The following MYH6 variants were observed in gnomAD, a reference collection of about 807,000 sequenced individuals.
MYH6 encodes the protein myosin heavy chain 6.
In MYH6, 126 loss-of-function variants were observed where a neutral mutation model predicts 223.2. The observed-to-expected ratio is 0.56, with a 90% confidence interval of 0.49 to 0.65. The LOEUF is 0.65. Among genes scored for constraint, MYH6 ranks in the 30% least tolerant of loss-of-function variants. The pLI, the probability that MYH6 is intolerant of heterozygous loss-of-function variation, is 0.00. For synonymous variants in MYH6, 978 were observed against 1,010.2 expected, an observed-to-expected ratio of 0.97 and a Z score of 0.61; for missense variants, 2,040 against 2,536.4, an observed-to-expected ratio of 0.80 and a Z score of 4.20.
In MYH6 at chr14:23,398,483, C is replaced by G. The variant is rs543277082; in HGVS notation, c.1891+245G>C. On this transcript the variant is annotated intron_variant, in intron 15 of 38. Transcript: ENST00000405093. ...TACAGGGATGCATGTGCCACCCTCA[C>G]TGACCTCCAGTTACTCCCCATCTTG... Among the ~76,000 whole-genome samples the G allele has an allele frequency of 2.8e-4, 42 of 152,354 alleles. No individual in the cohort carries two copies. In the South Asian group the frequency reaches 8.5e-3, roughly 31 times the overall value.
In MYH6 at chr14:23,382,626, C is replaced by T. The variant is rs1890894705; in HGVS notation, c.5662-64G>A. 3 of 1,613,284 alleles carry T rather than the reference C, an allele frequency of 1.9e-6. No homozygotes were observed. In the Admixed American group the frequency reaches 5.0e-5, roughly 27 times the overall value. On this transcript the variant is annotated intron_variant, in intron 37 of 38. Coordinates refer to ENST00000405093, the MANE Select transcript of MYH6 (RefSeq NM_002471.4). Reference sequence around the variant, plus strand: ...ATGGGCTATGGGATTCTCAGCCTCTCAACCTGAGGTTCCAGCTCCCTGTCC... The same window carrying T: ...ATGGGCTATGGGATTCTCAGCCTCTTAACCTGAGGTTCCAGCTCCCTGTCC...
At chr14:23,391,175 T>G (rs1185739398) in intron 25 of MYH6, among the ~76,000 whole-genome samples, 1 of 152,226 alleles carries the variant, frequency 6.6e-6, no homozygotes, top group Non-Finnish European at 1.5e-5. Flanking sequence ...GTTGTCTGGC[T>G]AGCCAGGAGC....
chr14:23,388,930 C>T lies in MYH6; in HGVS notation c.4104G>A (p.Ser1368=), dbSNP rs374887637. The change falls in exon 29 of 39, where the codon TCG becomes TCA. Residue 1368 remains serine, a synonymous_variant. Transcript: ENST00000405093. ...ELQRVLSKAN[S]EVAQWRTKYE... The stretch of plus-strand genomic sequence containing the variant: ...ACTTGGTCCTCCACTGGGCCACCTC[C>T]GAGTTGGCCTTGGACAGGACGCGCT... 2.0e-5 allele frequency: 33 copies of T among 1,613,692 alleles called. No homozygotes were observed. The highest frequency in any genetic ancestry group is 1.1e-4 in the African/African-American group (8 of 74,938).
chr14:23,403,556 G>A, intron 9 of MYH6, 110 bp from the exon 10 acceptor site: 1 of 1,172,398 alleles, frequency 8.5e-7, no homozygotes, highest in South Asian at 1.2e-5. Context: ...TGATGAAGAG[G>A]GCCAGGCGAG....
chr14:23,386,167 G>A (rs779884968), intron 33 of MYH6, 36 bp from the exon 34 acceptor site: 2 of 1,613,974 alleles, frequency 1.2e-6, no homozygotes, highest in East Asian at 4.5e-5. Context: ...GCAGAAGCCA[G>A]CCTCGGTGCC....
chr14:23,387,992 C>T, intron 30 of MYH6, 69 bp from the exon 31 acceptor site: 3 of 1,606,152 alleles, frequency 1.9e-6, no homozygotes, highest in Non-Finnish European at 2.5e-6. Flanking sequence ...CTTCCCAGTG[C>T]CCCAGCCCCC....
At chr14:23,394,020 T>C in intron 21 of MYH6, 48 bp downstream of exon 21, 1 of 1,613,722 alleles carries the variant, frequency 6.2e-7, no homozygotes, top group Non-Finnish European at 8.5e-7. Context: ...TGGGCTATAA[T>C]CTAGGGGAGG....
intron 7 of MYH6, 151 bp from the exon 8 acceptor site, chr14:23,404,539 A>C: frequency 8.9e-7 from 1 of 1,125,648 alleles, no homozygotes; most frequent in South Asian, 1.3e-5. Flanking sequence ...TCCTACCCAG[A>C]CCTCAGGGTG....
intron 9 of MYH6, 77 bp from the exon 10 acceptor site, chr14:23,403,523 G>T: frequency 7.6e-7 from 1 of 1,309,574 alleles, no homozygotes; most frequent in South Asian, 1.2e-5. Flanking sequence ...CATGGGGGCA[G>T]AGGGCAGGGG....
In MYH6 at chr14:23,407,327, C is replaced by T. The variant is rs533039993; in HGVS notation, c.-13-91G>A. On this transcript the variant is annotated intron_variant, in intron 2 of 38. Coordinates refer to ENST00000405093, the MANE Select transcript of MYH6 (RefSeq NM_002471.4). The surrounding 1 kb of genome is among the most constrained non-coding windows in gnomAD (Gnocchi z 5.6). ...CCTCTGCAGCCCCCCTCCCTACCCC[C>T]GCTCCTCTCCTCCACCCTGGGAGAG... The T allele has an allele frequency of 4.9e-5, 71 of 1,457,016 alleles. No individual in the cohort carries two copies. Among genetic ancestry groups the T allele is most frequent in the South Asian group, 8.1e-5 (7 of 86,222 alleles). The allele number at this position is 1,457,016 out of a possible 1,614,324, so 90.3% of individuals were successfully genotyped here. A position where few individuals can be genotyped will look rare whatever the true frequency, so the allele number is the denominator to read the frequency against.
rs1891822049 is a variant in MYH6, at chr14:23,407,310, G to GC, written c.-13-75dup. 3 of 1,544,268 alleles carry GC rather than the reference G, an allele frequency of 1.9e-6. No homozygotes were observed. The highest frequency in any genetic ancestry group is 1.4e-5 in the African/African-American group (1 of 73,562). On this transcript the variant is annotated intron_variant, in intron 2 of 38. Coordinates refer to ENST00000405093, the MANE Select transcript of MYH6 (RefSeq NM_002471.4). This position sits in a 1 kb window ranked among gnomAD's most constrained non-coding sequence, Gnocchi z 5.6. ...CCAGCGAGTGGCTTTGTCCTCTGCA[G>GC]CCCCCCTCCCTACCCCCGCTCCTCT... is the stretch of plus-strand genomic sequence containing the variant.
At chr14:23,394,704 G>A (rs1021186756) in intron 20 of MYH6, among the ~76,000 whole-genome samples, 2 of 152,104 alleles carry the variant, frequency 1.3e-5, no homozygotes, top group African/African-American at 4.8e-5. Flanking sequence ...ACCTACCACT[G>A]AAACAGGAGC....
Position 23,407,295 on chromosome 14 carries a change from G to A in MYH6, c.-13-59C>T, listed in dbSNP as rs1313832649. 6.3e-7 allele frequency: 1 copy of A among 1,592,472 alleles called. No individual in the cohort carries two copies. The highest frequency in any genetic ancestry group is 1.3e-5 in the African/African-American group (1 of 74,498). On this transcript the variant is annotated intron_variant, in intron 2 of 38. Transcript: ENST00000405093. This position sits in a 1 kb window ranked among gnomAD's most constrained non-coding sequence, Gnocchi z 5.6. The stretch of plus-strand genomic sequence containing the variant: ...GAGGGAGCCCAGGCTCCAGCGAGTG[G>A]CTTTGTCCTCTGCAGCCCCCCTCCC...
chr14:23,382,291 G>T, intron 38 of MYH6, 137 bp downstream of exon 38: 4 of 1,369,850 alleles, frequency 2.9e-6, no homozygotes, highest in Non-Finnish European at 4.1e-6. Context: ...CAGGAGAGTG[G>T]ATTCTCAGGT....
chr14:23,392,657 A>C lies in MYH6; in HGVS notation c.3252-5T>G. On this transcript the variant is annotated splice_polypyrimidine_tract_variant and splice_region_variant and intron_variant, in intron 24 of 38. Coordinates refer to ENST00000405093, the MANE Select transcript of MYH6 (RefSeq NM_002471.4). The stretch of plus-strand genomic sequence containing the variant: ...TGATTAATGTCAAACTCCTTCCTGC[A>C]GGAGAAGGGTGGGGGTGGGGGAGTG... 1.3e-5 allele frequency: 11 copies of C among 844,438 alleles called. No individual in the cohort carries two copies. Among genetic ancestry groups the C allele is most frequent in the East Asian group, 4.0e-5 (1 of 25,092 alleles). The allele number at this position is 844,438 out of a possible 1,614,324, so 52.3% of individuals were successfully genotyped here.
chr14:23,396,680 G>C lies in MYH6; in HGVS notation c.2292+14C>G. 6.2e-7 allele frequency: 1 copy of C among 1,614,006 alleles called. No homozygotes were observed. Among genetic ancestry groups the C allele is most frequent in the Non-Finnish European group, 8.5e-7 (1 of 1,179,880 alleles). ...CACCTGCCCTGCAACCACCCAGTGG[G>C]GCTCTAGACTCACCTTGGTGTGGCC... On this transcript the variant is annotated intron_variant, in intron 19 of 38. Transcript: ENST00000405093.
intron 15 of MYH6, 25 bp from the exon 16 acceptor site, chr14:23,397,638 C>T (rs1891439091): frequency 6.2e-7 from 1 of 1,612,462 alleles, no homozygotes; most frequent in East Asian, 2.2e-5. Context: ...GAGAAATAAT[C>T]AACAGGAGCT....
chr14:23,402,307 ACT>A (rs1039493079), intron 12 of MYH6, among the ~76,000 whole-genome samples, 155 bp downstream of exon 12: 1 of 151,014 alleles, frequency 6.6e-6, no homozygotes, highest in East Asian at 2.0e-4. Flanking sequence ...ATTGTGGTGG[ACT>A]CTCTGTCTGC....
chr14:23,397,485 G>T (rs1322312628), intron 16 of MYH6, 58 bp downstream of exon 16: 2 of 1,564,690 alleles, frequency 1.3e-6, no homozygotes, highest in Non-Finnish European at 1.8e-6. Flanking sequence ...GGTGCAGCCA[G>T]AAGTCTCTGG....
Sources: gnomAD v4.1 joint callset for allele counts (sites outside exome capture counted in the v4.1 genomes callset) on GRCh38, gnomAD v4.1.1 for gene constraint, Gnocchi (gnomAD v3.1) non-coding constraint, MANE v1.5 for transcripts, NCBI Gene and HGNC (gene_info 2026-07-23, HGNC 2026-07-21) for gene names.